ERC2: variants seen among roughly 807,000 people sequenced by gnomAD.
ERC2 encodes ELKS/RAB6-interacting/CAST family member 2, also known as ERC protein 2.
A neutral mutation model predicts 114.8 loss-of-function variants in ERC2; 42 were observed. That is an observed-to-expected ratio of 0.37 (90% CI 0.29 to 0.47). ERC2 has a LOEUF of 0.47. Among genes scored for constraint, ERC2 ranks in the 20% least tolerant of loss-of-function variants. The pLI is 0.99. For missense variants in ERC2, 939 were observed against 1,150.7 expected (o/e 0.82, Z 2.66); for synonymous variants, 454 against 425.5 (o/e 1.07, Z -0.82).
At chr3:55,612,203 C>A (rs1275588426) in intron 17 of ERC2, among the ~76,000 whole-genome samples, 1 of 150,456 alleles carries the variant, frequency 6.6e-6, no homozygotes, top group Non-Finnish European at 1.5e-5. Context: ...GCCTCCTGAT[C>A]GAGTCTACAC....
intron 2 of ERC2, among the ~76,000 whole-genome samples, chr3:56,349,557 A>G (rs1001346217): frequency 6.6e-6 from 1 of 152,244 alleles, no homozygotes; most frequent in Non-Finnish European, 1.5e-5. Flanking sequence ...AAAGGGAACA[A>G]TAGACAGCAG....
chr3:56,073,068 G>A (rs1342863906), intron 7 of ERC2, among the ~76,000 whole-genome samples: 1 of 152,098 alleles, frequency 6.6e-6, no homozygotes, highest in Non-Finnish European at 1.5e-5. Flanking sequence ...ACACTCATGT[G>A]CACACACACA....
intron 3 of ERC2, among the ~76,000 whole-genome samples, chr3:56,193,700 T>G (rs1467974086): frequency 1.3e-5 from 2 of 152,180 alleles, no homozygotes; most frequent in African/African-American, 4.8e-5. Context: ...AAGAAACTGA[T>G]GAGACCAGTA....
At chr3:55,638,667 A>G (rs1403788363) in intron 17 of ERC2, among the ~76,000 whole-genome samples, 1 of 152,202 alleles carries the variant, frequency 6.6e-6, no homozygotes, top group East Asian at 1.9e-4. Flanking sequence ...TCCCCCAAGT[A>G]AATACATTAA....
intron 14 of ERC2, among the ~76,000 whole-genome samples, chr3:55,799,450 C>CATATATATATATATAT (rs59209006): frequency 6.6e-5 from 7 of 106,186 alleles, no homozygotes; most frequent in African/African-American, 1.3e-4. Context: ...TATATATATG[C>CATATATATATATATAT]ATATATATAT....
intron 13 of ERC2, among the ~76,000 whole-genome samples, chr3:55,910,529 C>A (rs72879169): frequency 6.6e-6 from 1 of 152,056 alleles, no homozygotes; most frequent in East Asian, 1.9e-4. Context: ...GAGAGATAAA[C>A]CAAATATTCT....
intron 14 of ERC2, among the ~76,000 whole-genome samples, chr3:55,746,343 C>T (rs546449948): frequency 6.6e-5 from 10 of 152,074 alleles, no homozygotes; most frequent in Middle Eastern, 3.4e-3. Context: ...AAGCGATTCT[C>T]CTGCCTCAGC....
intron 17 of ERC2, among the ~76,000 whole-genome samples, chr3:55,538,050 C>T (rs2054115438): frequency 2.0e-5 from 3 of 152,164 alleles, no homozygotes; most frequent in Admixed American, 2.0e-4. Flanking sequence ...TAGGATAAAA[C>T]TGGTATCAAA....
chr3:55,659,833 T>C (rs140066925), intron 17 of ERC2, among the ~76,000 whole-genome samples: 1 of 151,944 alleles, frequency 6.6e-6, no homozygotes, highest in East Asian at 1.9e-4. Context: ...CCTCTGTACC[T>C]GGCCAACTCC....
chr3:56,360,727 G>A (rs1576591520), intron 2 of ERC2, among the ~76,000 whole-genome samples: 1 of 152,004 alleles, frequency 6.6e-6, no homozygotes, highest in Non-Finnish European at 1.5e-5. Flanking sequence ...GGCCAACATG[G>A]TGAAACCCCA....
chr3:55,885,167 T>C (rs1010753790), intron 14 of ERC2, among the ~76,000 whole-genome samples: 1 of 152,234 alleles, frequency 6.6e-6, no homozygotes, highest in African/African-American at 2.4e-5. Context: ...TAATGGGTGC[T>C]GGTTGAATGA....
intron 15 of ERC2, among the ~76,000 whole-genome samples, chr3:55,714,706 T>C (rs955184645): frequency 1.2e-5 from 1 of 85,000 alleles, no homozygotes; most frequent in Non-Finnish European, 2.4e-5. Flanking sequence ...TATATATATA[T>C]ATATATATGA....
intron 17 of ERC2, among the ~76,000 whole-genome samples, chr3:55,670,365 G>A (rs2061510353): frequency 6.6e-6 from 1 of 152,230 alleles, no homozygotes; most frequent in South Asian, 2.1e-4. Context: ...CCCCTAAGGT[G>A]GAGAGGATGA....
At chr3:56,424,611 C>T (rs1406084225) in intron 2 of ERC2, among the ~76,000 whole-genome samples, 1 of 152,246 alleles carries the variant, frequency 6.6e-6, no homozygotes, top group Non-Finnish European at 1.5e-5. Flanking sequence ...TCTGTGCCAT[C>T]TCATCTATCT....
chr3:55,988,138 C>A (rs896613330), intron 11 of ERC2, among the ~76,000 whole-genome samples: 2 of 152,196 alleles, frequency 1.3e-5, no homozygotes, highest in African/African-American at 4.8e-5. Flanking sequence ...AACTCAGAGA[C>A]CTTGATGGGC....
intron 4 of ERC2, among the ~76,000 whole-genome samples, chr3:56,173,180 G>C (rs1412768931): frequency 6.6e-6 from 1 of 152,102 alleles, no homozygotes; most frequent in Non-Finnish European, 1.5e-5. Context: ...AACCTCCCTA[G>C]GATTAGACAT....
chr3:55,517,141 A>T (rs554862247), intron 17 of ERC2, among the ~76,000 whole-genome samples: 3 of 152,192 alleles, frequency 2.0e-5, no homozygotes, highest in South Asian at 4.2e-4. Flanking sequence ...ACATTTTTTT[A>T]AAAATTATCT....
intron 17 of ERC2, among the ~76,000 whole-genome samples, chr3:55,592,845 G>A (rs1044627151): frequency 3.3e-5 from 5 of 152,130 alleles, no homozygotes; most frequent in Admixed American, 6.5e-5. Flanking sequence ...ACCCACCTTT[G>A]GTAGCTGATA....
chr3:55,593,327 A>G (rs2057987541), intron 17 of ERC2, among the ~76,000 whole-genome samples: 1 of 152,194 alleles, frequency 6.6e-6, no homozygotes, highest in African/African-American at 2.4e-5. Flanking sequence ...GTGTGGGAGC[A>G]CTGAAGGGTC....
Sources: gnomAD v4.1 joint callset for allele counts (sites outside exome capture counted in the v4.1 genomes callset) on GRCh38, gnomAD v4.1.1 for gene constraint, MANE v1.5 for transcripts, NCBI Gene and HGNC (gene_info 2026-07-23, HGNC 2026-07-21) for gene names.